MTAP: variants seen among roughly 807,000 people sequenced by gnomAD.
MTAP encodes the protein S-methyl-5'-thioadenosine phosphorylase.
Under a neutral mutation model 33.6 loss-of-function variants are expected in MTAP, and 33 were observed. That is an observed-to-expected ratio of 0.98 (90% CI 0.74 to 1.31). The LOEUF is 1.31. Ranked by LOEUF, MTAP falls within the 40% of genes most tolerant of loss-of-function variation. The probability of loss-of-function intolerance (pLI) is 0.00; values close to 1 mark genes in which losing one functional copy is unlikely to be tolerated. For missense variants in MTAP, 367 were observed against 360.0 expected (o/e 1.02, Z -0.16); for synonymous variants, 148 against 125.7 (o/e 1.18, Z -1.19).
In MTAP at chr9:21,887,337, C is replaced by G. The variant is rs1345440749; in HGVS notation, c.147+32467C>G. On this transcript the variant is annotated intron_variant, in intron 1 of 1. Transcript: ENST00000577563. The stretch of plus-strand genomic sequence containing the variant: ...CCATGTGTTCTCATGGTTCAATTCC[C>G]ACCTATGAGTGAGAACATGTGGTGT... Among the ~76,000 whole-genome samples the G allele has an allele frequency of 2.6e-5, 4 of 152,146 alleles. No individual in the cohort carries two copies. The East Asian group carries it at 7.8e-4, about 30-fold the overall frequency.
At chr9:21,901,573 C>G (rs1472494582) in intron 1 of MTAP, among the ~76,000 whole-genome samples, 1 of 152,068 alleles carries the variant, frequency 6.6e-6, no homozygotes, top group South Asian at 2.1e-4. Flanking sequence ...TATAAACGAG[C>G]TTTTATTAGG....
chr9:21,918,377 G>C (rs1050261689), intron 1 of MTAP, among the ~76,000 whole-genome samples: 13 of 139,718 alleles, frequency 9.3e-5, no homozygotes, highest in Non-Finnish European at 2.0e-4. Flanking sequence ...AAAAAAAAGA[G>C]TGATTAATGG....
intron 6 of MTAP, chr9:21,856,362 C>T (rs1295994550): frequency 5.8e-6 from 1 of 173,852 alleles, no homozygotes; most frequent in Non-Finnish European, 1.1e-5. Flanking sequence ...GATGACTCTT[C>T]AGTGTAATAA....
intron 1 of MTAP, among the ~76,000 whole-genome samples, chr9:21,918,443 G>A (rs1319511928): frequency 6.7e-6 from 1 of 149,078 alleles, no homozygotes; most frequent in Non-Finnish European, 1.5e-5. Context: ...GAGAATATTG[G>A]GTACAGTATA....
intron 1 of MTAP, among the ~76,000 whole-genome samples, chr9:21,917,353 A>T (rs1400556365): frequency 1.3e-5 from 2 of 152,230 alleles, no homozygotes; most frequent in African/African-American, 4.8e-5. Flanking sequence ...GAAAGAGATC[A>T]CTAAGGAATG....
At chr9:21,897,584 A>G (rs1219219324) in intron 1 of MTAP, among the ~76,000 whole-genome samples, 1 of 152,222 alleles carries the variant, frequency 6.6e-6, no homozygotes, top group South Asian at 2.1e-4. Context: ...TTATACACCA[A>G]TAACAGACAA....
rs150140685 is a variant in MTAP, at chr9:21,813,570, C to G, written c.34-1863C>G. 1.8e-3 allele frequency among the ~76,000 whole-genome samples: 279 copies of G among 152,290 alleles called. 1 individual carries two copies. Among genetic ancestry groups the G allele is most frequent in the African/African-American group, 6.5e-3 (270 of 41,558 alleles). On this transcript the variant is annotated intron_variant, in intron 1 of 7. Coordinates refer to ENST00000644715, the MANE Select transcript of MTAP (RefSeq NM_002451.4). Reference sequence around the variant, plus strand: ...TTCACCTAAACTCAGAGGGTGGCTCCAAACAAAGCCCAACTCGATTTGTGT... The same window carrying G: ...TTCACCTAAACTCAGAGGGTGGCTCGAAACAAAGCCCAACTCGATTTGTGT...
intron 4 of MTAP, among the ~76,000 whole-genome samples, chr9:21,830,795 A>G: frequency 6.6e-6 from 1 of 152,146 alleles, no homozygotes; most frequent in Non-Finnish European, 1.5e-5. Context: ...ACTTAGAGAA[A>G]TGTAGAAGCA....
At chr9:21,919,885 C>G (rs1818759896) in intron 1 of MTAP, among the ~76,000 whole-genome samples, 1 of 152,126 alleles carries the variant, frequency 6.6e-6, no homozygotes, top group Non-Finnish European at 1.5e-5. Context: ...CCAGCACTCA[C>G]TGAATTTTAC....
intron 1 of MTAP, among the ~76,000 whole-genome samples, chr9:21,925,184 A>G (rs1445954638): frequency 6.6e-6 from 1 of 152,338 alleles, no homozygotes; most frequent in East Asian, 1.9e-4. Flanking sequence ...CCTGTAAACT[A>G]TAATAAAATT....
chr9:21,812,563 G>A (rs1411075704), intron 1 of MTAP, among the ~76,000 whole-genome samples: 1 of 152,202 alleles, frequency 6.6e-6, no homozygotes, highest in Non-Finnish European at 1.5e-5. Context: ...CTGGACTGAG[G>A]ACTGACGCTT....
Position 21,803,101 on chromosome 9 carries a change from C to G in MTAP, c.33+320C>G, listed in dbSNP as rs1824106798. Reference sequence around the variant, plus strand: ...TAGGCACCCCTTTAGAGAGAGAGGTCGTGGATGGGAGAGGCTGCACCCATG... The same window carrying G: ...TAGGCACCCCTTTAGAGAGAGAGGTGGTGGATGGGAGAGGCTGCACCCATG... On this transcript the variant is annotated intron_variant, in intron 1 of 7. Coordinates refer to ENST00000644715, the MANE Select transcript of MTAP (RefSeq NM_002451.4). The G allele has an allele frequency of 5.4e-6, 3 of 555,514 alleles. No homozygotes were observed. The Admixed American group carries it at 1.3e-4, about 24-fold the overall frequency. The allele number at this position is 555,514 out of a possible 1,614,324, so 34.4% of individuals were successfully genotyped here.
intron 4 of MTAP, among the ~76,000 whole-genome samples, chr9:21,832,393 G>C (rs182492428): frequency 6.6e-6 from 1 of 152,114 alleles, no homozygotes; most frequent in African/African-American, 2.4e-5. Context: ...AAAGAGTTAC[G>C]CAAGAAGCCT....
At chr9:21,818,418 C>G (rs1824542007) in intron 4 of MTAP, among the ~76,000 whole-genome samples, 1 of 150,868 alleles carries the variant, frequency 6.6e-6, no homozygotes, top group African/African-American at 2.4e-5. Context: ...ACCTCCGCCT[C>G]CCAGGTTCAA....
intron 1 of MTAP, among the ~76,000 whole-genome samples, chr9:21,916,078 GGAAA>G (rs1233956522): frequency 5.6e-5 from 6 of 106,430 alleles, no homozygotes; most frequent in Admixed American, 9.7e-5. Flanking sequence ...GAGGGAGGAA[GGAAA>G]GGAAGGAAGG....
chr9:21,868,059 A>G (rs762666937), downstream of MTAP, among the ~76,000 whole-genome samples: 7 of 152,194 alleles, frequency 4.6e-5, no homozygotes, highest in African/African-American at 7.2e-5. Flanking sequence ...TTTATACTTC[A>G]TATTTCCAGA....
At chr9:21,842,587 G>C (rs1825274058) in intron 5 of MTAP, among the ~76,000 whole-genome samples, 1 of 152,166 alleles carries the variant, frequency 6.6e-6, no homozygotes, top group African/African-American at 2.4e-5. Context: ...GAAGCCAGAA[G>C]GGATTGGAGT....
At chr9:21,901,765 GA>G (rs1818396932) in intron 1 of MTAP, among the ~76,000 whole-genome samples, 1 of 152,108 alleles carries the variant, frequency 6.6e-6, no homozygotes, top group Admixed American at 6.5e-5. Flanking sequence ...AGAAGCTTGT[GA>G]CATTTTCTCA....
intron 1 of MTAP, among the ~76,000 whole-genome samples, chr9:21,873,436 A>G (rs1348736829): frequency 1.3e-5 from 2 of 152,102 alleles, no homozygotes; most frequent in Non-Finnish European, 2.9e-5. Flanking sequence ...TGATTAGGTC[A>G]TGATAGTGTT....
Sources: gnomAD v4.1 joint callset for allele counts (sites outside exome capture counted in the v4.1 genomes callset) on GRCh38, gnomAD v4.1.1 for gene constraint, MANE v1.5 for transcripts, NCBI Gene and HGNC (gene_info 2026-07-23, HGNC 2026-07-21) for gene names.